Variants in SYDE2 observed in about 807,000 individuals in gnomAD.
SYDE2 encodes the protein rho GTPase-activating protein SYDE2.
In SYDE2, 76 loss-of-function variants were observed where a neutral mutation model predicts 91.5. The ratio of observed to expected loss-of-function variants is 0.83; its 90% CI spans 0.69 to 1.01. SYDE2 has a LOEUF of 1.01. Among genes scored for constraint, SYDE2 ranks in the 50% least tolerant of loss-of-function variants. The pLI, the probability that SYDE2 is intolerant of heterozygous loss-of-function variation, is 0.00. For synonymous variants in SYDE2, 513 were observed against 506.4 expected, an observed-to-expected ratio of 1.01 and a Z score of -0.18; for missense variants, 1,364 against 1,367.7, an observed-to-expected ratio of 1.00 and a Z score of 0.04.
chr1:85,160,132 TTC>T, intron 6 of SYDE2: 1 of 985,152 alleles, frequency 1.0e-6, no homozygotes, highest in Non-Finnish European at 1.2e-6. Context: ...CATAATATCT[TTC>T]TCTTTCTGCA....
rs75790191 is a variant in SYDE2, at chr1:85,166,472, G to T, written c.2854-1715C>A. On this transcript the variant is annotated intron_variant, in intron 5 of 6. Transcript: ENST00000341460. The stretch of plus-strand genomic sequence containing the variant: ...CCAAAAGCGACAAATGGATTTGCTG[G>T]TCAGAAGGCCATTTAATAGCTGTGG... Among the ~76,000 whole-genome samples, 195 of 152,058 alleles carry T rather than the reference G, an allele frequency of 1.3e-3. 4 individuals carry two copies. The East Asian group carries it at 0.019, about 14-fold the overall frequency.
At chr1:85,197,254 G>A (rs1207313128) in intron 1 of SYDE2, among the ~76,000 whole-genome samples, 2 of 152,108 alleles carry the variant, frequency 1.3e-5, no homozygotes, top group African/African-American at 4.8e-5. Context: ...CAAATCATTT[G>A]TCATTATAAT....
Position 85,164,522 on chromosome 1 carries a change from T to C in SYDE2, c.3085+4A>G. ...GTGAAAAACATTTCCATAGAATCATTTACCTGGCCAGAGTTGGAGTAAGTA... is the reference window on the plus strand; with the variant it reads ...GTGAAAAACATTTCCATAGAATCATCTACCTGGCCAGAGTTGGAGTAAGTA... On this transcript the variant is annotated splice_donor_region_variant and intron_variant, in intron 6 of 6. Transcript: ENST00000341460. 6.4e-7 allele frequency: 1 copy of C among 1,563,696 alleles called. No homozygotes were observed. Among genetic ancestry groups the C allele is most frequent in the Non-Finnish European group, 8.7e-7 (1 of 1,154,336 alleles).
At chr1:85,165,118 C>T (rs1353728429) in intron 5 of SYDE2, among the ~76,000 whole-genome samples, 1 of 151,988 alleles carries the variant, frequency 6.6e-6, no homozygotes, top group Non-Finnish European at 1.5e-5. Flanking sequence ...CCTACGATCC[C>T]GGCTACTCGG....
At chr1:85,156,134 A>AG (rs1247131173), downstream of SYDE2, among the ~76,000 whole-genome samples, 1 of 152,306 alleles carries the variant, frequency 6.6e-6, no homozygotes, top group East Asian at 1.9e-4. Context: ...AACCTCTAAG[A>AG]GGTGAAATTG....
chr1:85,174,836 C>T (rs748540167), intron 4 of SYDE2, among the ~76,000 whole-genome samples: 6 of 152,020 alleles, frequency 3.9e-5, no homozygotes, highest in East Asian at 1.9e-4. Flanking sequence ...TAAAGGAAAA[C>T]GGAAACAATT....
chr1:85,154,066 A>G (rs1656825146), downstream of SYDE2: 1 of 152,160 alleles, frequency 6.6e-6, no homozygotes, highest in Admixed American at 6.5e-5. Flanking sequence ...ACCCTTTTGC[A>G]TTCAGAGTGA....
At position 85,196,160 on chromosome 1, in the gene SYDE2, C is replaced by G. The variant is rs1219347607; in HGVS notation, c.745+4092G>C. Among the ~76,000 whole-genome samples the G allele has an allele frequency of 9.2e-5, 14 of 152,172 alleles. No individual in the cohort carries two copies. In the East Asian group the frequency reaches 2.7e-3, roughly 29 times the overall value. On this transcript the variant is annotated intron_variant, in intron 1 of 6. Coordinates refer to ENST00000341460, the MANE Select transcript of SYDE2 (RefSeq NM_032184.2). The stretch of plus-strand genomic sequence containing the variant: ...TTAATTCATATACATAAAACTGAAG[C>G]AAAAAGAGCCCAAGTGCTTTGCTCT...
At position 85,200,941 on chromosome 1, in the gene SYDE2, T is replaced by C; in HGVS notation, c.56A>G (p.Asp19Gly). ...GARRGGRGLA[D>G]HSFPAGARAP... ...CCGGGCTCCCGCGGGGAAGCTGTGATCCGCCAAGCCCCTGCCGCCCCGCCG... is the reference window on the plus strand; with the variant it reads ...CCGGGCTCCCGCGGGGAAGCTGTGACCCGCCAAGCCCCTGCCGCCCCGCCG... The change falls in exon 1 of 7, where the codon GAT (aspartate) becomes GGT (glycine). Residue 19 changes from aspartate to glycine, a missense_variant. Coordinates refer to ENST00000341460, the MANE Select transcript of SYDE2 (RefSeq NM_032184.2). 8 of 1,320,818 alleles carry C rather than the reference T, an allele frequency of 6.1e-6. No homozygotes were observed. Among genetic ancestry groups the C allele is most frequent in the Non-Finnish European group, 7.7e-6 (8 of 1,044,930 alleles). The allele number at this position is 1,320,818 out of a possible 1,614,324, so 81.8% of individuals were successfully genotyped here. A position where few individuals can be genotyped will look rare whatever the true frequency, so the allele number is the denominator to read the frequency against.
intron 5 of SYDE2, among the ~76,000 whole-genome samples, chr1:85,165,798 T>TTG (rs1172673402): frequency 6.6e-6 from 1 of 151,562 alleles, no homozygotes; most frequent in Non-Finnish European, 1.5e-5. Context: ...GGATCAATCA[T>TTG]TTAACAAAAT....
Position 85,182,311 on chromosome 1 carries a change from C to T in SYDE2, c.2331G>A (p.Gln777=), listed in dbSNP as rs761068180. The T allele has an allele frequency of 6.2e-7, 1 of 1,613,862 alleles. No individual in the cohort carries two copies. Among genetic ancestry groups the T allele is most frequent in the East Asian group, 2.2e-5 (1 of 44,868 alleles). ...CTCTAGGTTCAAGTTTGACAGCCAA[C>T]TGATGAGTCTTTGTCACTCTAAATA... ...PTLFRVTKTH[Q]LAVKLEPRGL... The change falls in exon 3 of 7, where the codon CAG becomes CAA. Residue 777 remains glutamine (Q), a synonymous_variant. Coordinates refer to ENST00000341460, the MANE Select transcript of SYDE2 (RefSeq NM_032184.2).
chr1:85,159,216 T>C lies in SYDE2; in HGVS notation c.3119A>G (p.Asn1040Ser), dbSNP rs572918410. The C allele has an allele frequency of 1.2e-5, 9 of 780,564 alleles. No homozygotes were observed. In the East Asian group the frequency reaches 2.2e-4, roughly 19 times the overall value. The allele number at this position is 780,564 out of a possible 1,614,324, so 48.4% of individuals were successfully genotyped here. A position where few individuals can be genotyped will look rare whatever the true frequency, so the allele number is the denominator to read the frequency against. The change falls in exon 7 of 7, where the codon AAT becomes AGT. Residue 1040 changes from asparagine to serine, a missense_variant. Asn to Ser is a conservative substitution (Grantham distance 46). Coordinates refer to ENST00000341460, the MANE Select transcript of SYDE2 (RefSeq NM_032184.2). ...QRLTVKKSTD[N>S]LFPEQKSSLN... ...AGAAGACTTCTGCTCTGGGAATAAA[T>C]TGTCTGTTGATTTTTTGACAGTTAA...
chr1:85,161,429 AGAAAATGTGGT>A (rs1468467853), intron 6 of SYDE2, among the ~76,000 whole-genome samples: 1 of 152,232 alleles, frequency 6.6e-6, no homozygotes, highest in East Asian at 1.9e-4. Flanking sequence ...TATTTATCAT[AGAAAATGTGGT>A]ATAGTGGCCA....
rs769515693 is a variant in SYDE2, at chr1:85,159,034, A to G, written c.3301T>C (p.Leu1101=). 2.6e-6 allele frequency: 2 copies of G among 780,684 alleles called. No individual in the cohort carries two copies. Among genetic ancestry groups the G allele is most frequent in the African/African-American group, 3.4e-5 (2 of 59,128 alleles). The allele number at this position is 780,684 out of a possible 1,614,324, so 48.4% of individuals were successfully genotyped here. A position where few individuals can be genotyped will look rare whatever the true frequency, so the allele number is the denominator to read the frequency against. ...TCATTTAAATTTTCTTTTGTATTTAAAAAGTAGTTTTCCCCACAGCTGCTC... is the reference window on the plus strand; with the variant it reads ...TCATTTAAATTTTCTTTTGTATTTAGAAAGTAGTTTTCCCCACAGCTGCTC... ...DWSSCGENYF[L]NTKENLNDVD... The change falls in exon 7 of 7, where the codon TTA becomes CTA. Residue 1101 remains leucine (L), a synonymous_variant. Coordinates refer to ENST00000341460, the MANE Select transcript of SYDE2 (RefSeq NM_032184.2).
rs1657984747 is a variant in SYDE2, at chr1:85,182,821, T to G, written c.1821A>C (p.Lys607Asn). The G allele has an allele frequency of 6.2e-7, 1 of 1,613,934 alleles. No homozygotes were observed. The highest frequency in any genetic ancestry group is 2.2e-5 in the East Asian group (1 of 44,874). Residue 607 changes from lysine (K) to asparagine (N), a missense_variant, in exon 3 of 7, where the codon AAA becomes AAC. By Grantham distance (94) the Lys-to-Asn change is moderately conservative (BLOSUM62 0). Coordinates refer to ENST00000341460, the MANE Select transcript of SYDE2 (RefSeq NM_032184.2). The part of the protein sequence containing the change: ...SVSSQQSYQK[K>N]NSMSSKYSCK... The stretch of plus-strand genomic sequence containing the variant: ...AGGAATACTTAGAACTCATAGAGTT[T>G]TTCTTCTGGTAGCTCTGCTGGGAGG...
Position 85,190,390 on chromosome 1 carries a change from T to A in SYDE2, c.1108A>T (p.Ile370Leu). 1 of 1,613,912 alleles carries A rather than the reference T, an allele frequency of 6.2e-7. No individual in the cohort carries two copies. Among genetic ancestry groups the A allele is most frequent in the Non-Finnish European group, 8.5e-7 (1 of 1,179,836 alleles). Residue 370 changes from isoleucine to leucine, a missense_variant, in exon 2 of 7, where the codon ATA (isoleucine) becomes TTA (leucine). Transcript: ENST00000341460. ...TCCTCAGGAATGGGATTGTACCATA[T>A]TTCTCCTTCATCATCTGCATCATTT... The part of the protein sequence containing the change: ...EENDADDEGE[I>L]WYNPIPEDDD...
At chr1:85,165,890 T>C (rs79349251) in intron 5 of SYDE2, among the ~76,000 whole-genome samples, 6,501 of 75,470 alleles carry the variant, frequency 0.086, 217 homozygotes, top group East Asian at 0.24. Flanking sequence ...TTTTTTTTTT[T>C]GGAGACAGGG....
At chr1:85,187,075 G>C (rs1046953904) in intron 2 of SYDE2, among the ~76,000 whole-genome samples, 10 of 151,958 alleles carry the variant, frequency 6.6e-5, no homozygotes, top group Non-Finnish European at 1.5e-4. Flanking sequence ...AGAGTGAACA[G>C]GCAACCTACA....
chr1:85,190,059 G>A lies in SYDE2; in HGVS notation c.1439C>T (p.Ala480Val). ...GACACATATATGATCATTTTTACCT[G>A]CAAAAGGAGATTTCAACATGGGACT... is the stretch of plus-strand genomic sequence containing the variant. ...EDSPMLKSPF[A>V]GSGILAATNS... is the part of the protein sequence containing the mutation. Residue 480 changes from alanine (A) to valine (V), a missense_variant and splice_region_variant, in exon 2 of 7, where the codon GCA becomes GTA. By Grantham distance (64) the Ala-to-Val change is moderately conservative. Coordinates refer to ENST00000341460, the MANE Select transcript of SYDE2 (RefSeq NM_032184.2). 1 of 1,588,638 alleles carries A rather than the reference G, an allele frequency of 6.3e-7. No homozygotes were observed. The highest frequency in any genetic ancestry group is 8.6e-7 in the Non-Finnish European group (1 of 1,165,062).
Sources: gnomAD v4.1 joint callset for allele counts (sites outside exome capture counted in the v4.1 genomes callset) on GRCh38, gnomAD v4.1.1 for gene constraint, MANE v1.5 for transcripts, NCBI Gene and HGNC (gene_info 2026-07-23, HGNC 2026-07-21) for gene names.